PARD3B: variants seen among roughly 807,000 people sequenced by gnomAD.
PARD3B encodes partitioning defective 3 homolog B.
A neutral mutation model predicts 130.2 loss-of-function variants in PARD3B; 103 were observed. The observed-to-expected ratio is 0.79, with a 90% confidence interval of 0.67 to 0.93. The LOEUF is 0.93. Ranked by LOEUF, PARD3B falls within the 40% of genes least tolerant of loss-of-function variation. The pLI is 0.00. For missense variants in PARD3B, 1,609 were observed against 1,499.2 expected, an observed-to-expected ratio of 1.07 and a Z score of -1.21; for synonymous variants, 583 against 553.2, an observed-to-expected ratio of 1.05 and a Z score of -0.76.
At chr2:205,419,346 G>GC (rs2046887780) in intron 19 of PARD3B, among the ~76,000 whole-genome samples, 1 of 152,100 alleles carries the variant, frequency 6.6e-6, no homozygotes, top group Non-Finnish European at 1.5e-5. Context: ...ATGATGTGAG[G>GC]CCCCCACTAG....
chr2:205,004,826 G>A (rs1695122648), intron 3 of PARD3B, among the ~76,000 whole-genome samples: 1 of 152,160 alleles, frequency 6.6e-6, no homozygotes, highest in Non-Finnish European at 1.5e-5. Flanking sequence ...GGTTCAACCT[G>A]ATGTGCTCTC....
In PARD3B at chr2:205,589,374, C is replaced by T. The variant is rs1177932958; in HGVS notation, c.3261-26082C>T. On this transcript the variant is annotated intron_variant, in intron 22 of 22. Transcript: ENST00000406610. The surrounding 1 kb of genome is among the most constrained non-coding windows in gnomAD (Gnocchi z 4.1). ...TGCCACAGGATGAGATTAAATCTCA[C>T]CACAGGATCTCACCAAAATCAGGCT... Among the ~76,000 whole-genome samples the T allele has an allele frequency of 6.6e-6, 1 of 152,150 alleles. No individual in the cohort carries two copies. The highest frequency in any genetic ancestry group is 1.5e-5 in the Non-Finnish European group (1 of 68,016).
chr2:205,566,402 G>A (rs573088425), intron 22 of PARD3B, among the ~76,000 whole-genome samples: 7 of 152,226 alleles, frequency 4.6e-5, no homozygotes, highest in Admixed American at 2.0e-4. Flanking sequence ...AAGCAGAATC[G>A]GAGAGAAGTG....
chr2:204,851,781 C>T (rs1041713578), intron 2 of PARD3B, among the ~76,000 whole-genome samples: 1 of 152,010 alleles, frequency 6.6e-6, no homozygotes, highest in African/African-American at 2.4e-5. Flanking sequence ...CAACCTCTGC[C>T]TCCAGGCTTC....
intron 19 of PARD3B, among the ~76,000 whole-genome samples, chr2:205,403,061 C>T (rs1469262717): frequency 6.6e-6 from 1 of 152,042 alleles, no homozygotes; most frequent in Non-Finnish European, 1.5e-5. Flanking sequence ...TCTTAAAGAA[C>T]TCAGCGAGTG....
chr2:204,643,382 C>T (rs182144336), intron 1 of PARD3B, among the ~76,000 whole-genome samples: 15 of 152,168 alleles, frequency 9.9e-5, no homozygotes, highest in East Asian at 3.9e-4. Flanking sequence ...TTCATCCCTC[C>T]TCTCCAAACT....
intron 20 of PARD3B, among the ~76,000 whole-genome samples, chr2:205,450,400 A>G (rs2048054549): frequency 6.6e-6 from 1 of 151,990 alleles, no homozygotes. Context: ...AGAAAGAAAA[A>G]GTAGAAACAG....
chr2:204,545,894 CG>C lies in PARD3B; in HGVS notation c.-103del. On this transcript the variant is annotated 5_prime_UTR_variant, in exon 1 of 23. Transcript: ENST00000406610. ...CAGGGTGTTCCGGGGAGCGGCGCCC[CG>C]GGTCTCTGGGCCCACCCGCCCCGGG... is the stretch of plus-strand genomic sequence containing the variant. 7.8e-7 allele frequency: 1 copy of C among 1,286,428 alleles called. No homozygotes were observed. The highest frequency in any genetic ancestry group is 1.0e-6 in the Non-Finnish European group (1 of 982,976). 79.7% of individuals were successfully genotyped at this position (1,286,428 alleles called of 1,614,324 possible).
At chr2:204,954,011 C>A (rs1690029604) in intron 2 of PARD3B, among the ~76,000 whole-genome samples, 2 of 152,098 alleles carry the variant, frequency 1.3e-5, no homozygotes, top group Non-Finnish European at 2.9e-5. Flanking sequence ...AGGACCCCAG[C>A]CTTCTTGTCT....
At chr2:205,486,460 A>G (rs953394469) in intron 20 of PARD3B, among the ~76,000 whole-genome samples, 12 of 152,164 alleles carry the variant, frequency 7.9e-5, no homozygotes, top group African/African-American at 2.2e-4. Context: ...TCTAGCACTA[A>G]TATGAAGAAA....
intron 21 of PARD3B, among the ~76,000 whole-genome samples, chr2:205,502,849 C>T (rs1474449599): frequency 6.6e-6 from 1 of 152,018 alleles, no homozygotes; most frequent in Non-Finnish European, 1.5e-5. Flanking sequence ...TTGGCTGGCC[C>T]TGGACTTTCT....
chr2:204,992,460 A>C (rs1693798641), intron 3 of PARD3B, among the ~76,000 whole-genome samples: 1 of 141,952 alleles, frequency 7.0e-6, no homozygotes, highest in Admixed American at 7.2e-5. Context: ...TACCAGTACC[A>C]TGCTGTTTTG....
intron 22 of PARD3B, among the ~76,000 whole-genome samples, chr2:205,569,548 A>T (rs1474753261): frequency 6.6e-6 from 1 of 152,180 alleles, no homozygotes; most frequent in East Asian, 1.9e-4. Flanking sequence ...AGCAATATCA[A>T]CTGACTGTGA....
At chr2:205,555,953 C>T (rs766371834) in intron 22 of PARD3B, among the ~76,000 whole-genome samples, 28 of 152,166 alleles carry the variant, frequency 1.8e-4, no homozygotes, top group East Asian at 5.8e-4. Context: ...AGGCCAGAGA[C>T]GTACTGCTGG....
intron 6 of PARD3B, among the ~76,000 whole-genome samples, chr2:205,117,924 C>CACACACACACACAT: frequency 6.6e-6 from 1 of 152,166 alleles, no homozygotes; most frequent in South Asian, 2.1e-4. Context: ...TGTACACACA[C>CACACACACACACAT]ACACACACAC....
intron 20 of PARD3B, among the ~76,000 whole-genome samples, chr2:205,476,375 C>T (rs956144843): frequency 3.3e-5 from 5 of 151,954 alleles, no homozygotes; most frequent in South Asian, 2.1e-4. Flanking sequence ...AAAGAATCAC[C>T]GGTGAAAAGC....
intron 18 of PARD3B, among the ~76,000 whole-genome samples, chr2:205,339,140 T>C (rs2043424377): frequency 6.6e-6 from 1 of 152,152 alleles, no homozygotes; most frequent in Non-Finnish European, 1.5e-5. Flanking sequence ...ATAACTCAAG[T>C]TTATATAGTA....
intron 2 of PARD3B, among the ~76,000 whole-genome samples, chr2:204,963,391 TG>T (rs1690923969): frequency 6.6e-6 from 1 of 152,160 alleles, no homozygotes; most frequent in African/African-American, 2.4e-5. Flanking sequence ...TTAAGGCACA[TG>T]GGTTATACTG....
intron 15 of PARD3B, among the ~76,000 whole-genome samples, chr2:205,208,359 T>A (rs2037434059): frequency 1.6e-5 from 2 of 124,402 alleles, no homozygotes; most frequent in Admixed American, 7.9e-5. Context: ...GTGTTGGAAG[T>A]TCTGGCCAGG....
Sources: allele counts gnomAD v4.1 joint callset (sites outside exome capture counted in the v4.1 genomes callset), GRCh38; gene constraint gnomAD v4.1.1; non-coding constraint Gnocchi (gnomAD v3.1); transcripts MANE v1.5; gene names NCBI Gene and HGNC (gene_info 2026-07-23, HGNC 2026-07-21).